USH2A: variants seen among roughly 807,000 people sequenced by gnomAD.
USH2A encodes the protein Usher syndrome 2A (autosomal recessive, mild).
In USH2A, 443 loss-of-function variants were observed where a neutral mutation model predicts 538.9. The observed-to-expected ratio is 0.82, with a 90% CI of 0.76 to 0.89. USH2A has a LOEUF of 0.89. Ranked by LOEUF, USH2A falls within the 40% of genes least tolerant of loss-of-function variation. The pLI is 0.00. For synonymous variants in USH2A, 2,413 were observed against 2,273.5 expected (o/e 1.06, Z -1.75); for missense variants, 6,633 against 6,324.8 (o/e 1.05, Z -1.65).
At chr1:216,141,135 G>T (rs2033594199) in intron 21 of USH2A, among the ~76,000 whole-genome samples, 3 of 152,306 alleles carry the variant, frequency 2.0e-5, no homozygotes, top group Admixed American at 6.5e-5. Flanking sequence ...GTTATTTGGT[G>T]TGCGGAAAAA....
intron 61 of USH2A, among the ~76,000 whole-genome samples, chr1:215,718,167 A>AT (rs928100267): frequency 2.0e-5 from 3 of 152,204 alleles, no homozygotes; most frequent in Admixed American, 6.5e-5. Context: ...TTATATTGAG[A>AT]TAAAAAGATT....
intron 9 of USH2A, among the ~76,000 whole-genome samples, chr1:216,312,054 C>G (rs1352697908): frequency 1.3e-5 from 2 of 152,074 alleles, no homozygotes; most frequent in Non-Finnish European, 1.5e-5. Flanking sequence ...TTCTCTCTCT[C>G]TGAAGTTCTT....
chr1:215,880,755 CCT>C (rs1404278848), intron 41 of USH2A, among the ~76,000 whole-genome samples: 1 of 152,174 alleles, frequency 6.6e-6, no homozygotes. Flanking sequence ...GGCTTTCTTG[CCT>C]CTTAGACCAG....
intron 24 of USH2A, chr1:216,085,113 A>ATATGATGGGTTTG: frequency 2.0e-6 from 1 of 492,114 alleles, no homozygotes; most frequent in Non-Finnish European, 3.6e-6. Context: ...GTTTATGCAG[A>ATATGATGGGTTTG]AACCTTGGTT....
At position 215,732,551 on chromosome 1, in the gene USH2A, T is replaced by C. The variant is rs1456214423; in HGVS notation, c.11712-4167A>G. Reference sequence around the variant, plus strand: ...TATTCTCCTTTTTTCTTTCTTTTTTTTTTTTTTTTTTTTTTTTTTTTGCTC... The same window carrying C: ...TATTCTCCTTTTTTCTTTCTTTTTTCTTTTTTTTTTTTTTTTTTTTTGCTC... On this transcript the variant is annotated intron_variant, in intron 60 of 71. Transcript: ENST00000307340. 1.2e-4 allele frequency among the ~76,000 whole-genome samples: 14 copies of C among 117,430 alleles called. No homozygotes were observed. In the East Asian group the frequency reaches 2.1e-3, roughly 18 times the overall value. The allele number at this position is 117,430 out of a possible 152,430, so 77.0% of individuals were successfully genotyped here.
intron 11 of USH2A, among the ~76,000 whole-genome samples, chr1:216,260,302 T>C (rs904347522): frequency 1.3e-5 from 2 of 152,286 alleles, no homozygotes; most frequent in African/African-American, 2.4e-5. Context: ...GCTAGCTGAA[T>C]TGGATTCCTA....
intron 4 of USH2A, among the ~76,000 whole-genome samples, chr1:216,348,628 T>C (rs1380524621): frequency 6.6e-6 from 1 of 152,136 alleles, no homozygotes; most frequent in Non-Finnish European, 1.5e-5. Flanking sequence ...TAGCATTTTA[T>C]ACAAGTAATC....
At chr1:215,819,391 A>G (rs1201962302) in intron 47 of USH2A, among the ~76,000 whole-genome samples, 1 of 135,294 alleles carries the variant, frequency 7.4e-6, no homozygotes, top group Non-Finnish European at 1.6e-5. Flanking sequence ...AAACCTCAAC[A>G]TTTTCATAGA....
At chr1:216,217,103 T>C (rs2035357395) in intron 15 of USH2A, among the ~76,000 whole-genome samples, 2 of 152,126 alleles carry the variant, frequency 1.3e-5, no homozygotes, top group Admixed American at 1.3e-4. Context: ...GGAAGACCCT[T>C]GGTCTGGGAA....
intron 58 of USH2A, among the ~76,000 whole-genome samples, chr1:215,750,825 T>A (rs1660603262): frequency 6.6e-6 from 1 of 152,068 alleles, no homozygotes; most frequent in Admixed American, 6.6e-5. Context: ...ATTAGTAAAA[T>A]GAGCAAAACA....
intron 58 of USH2A, among the ~76,000 whole-genome samples, chr1:215,744,417 T>G (rs745990120): frequency 5.9e-5 from 9 of 152,218 alleles, no homozygotes; most frequent in Non-Finnish European, 1.3e-4. Flanking sequence ...GGCATACTTT[T>G]TCAAGGAGAG....
intron 51 of USH2A, 135 bp from the exon 52 acceptor site, chr1:215,787,009 T>C: frequency 1.2e-6 from 1 of 819,694 alleles, no homozygotes; most frequent in South Asian, 1.6e-5. Flanking sequence ...TCAAAATTTA[T>C]AAAAAGAAAT....
chr1:216,172,334 A>G (rs1013690345), intron 21 of USH2A, among the ~76,000 whole-genome samples: 3 of 152,104 alleles, frequency 2.0e-5, no homozygotes, highest in African/African-American at 4.8e-5. Context: ...CATATATAAA[A>G]TATGTATAAT....
rs6690862 is a variant in USH2A at position 215,858,097 on chromosome 1, G to T, written c.8845+8910C>A. Among the ~76,000 whole-genome samples, 819 of 152,208 alleles carry T rather than the reference G, an allele frequency of 5.4e-3. 6 individuals carry two copies. Among genetic ancestry groups the T allele is most frequent in the African/African-American group, 0.018 (758 of 41,524 alleles). ...GTTATACAATATGGAGTTAAGGCTT[G>T]TACTTGCTTGTATTTGATGCAATAG... On this transcript the variant is annotated intron_variant, in intron 44 of 71. Coordinates refer to ENST00000307340, the MANE Select transcript of USH2A (RefSeq NM_206933.4).
Position 215,999,020 on chromosome 1 carries a change from C to A in USH2A, c.6524G>T (p.Arg2175Leu). 6.2e-7 allele frequency: 1 copy of A among 1,612,296 alleles called. No individual in the cohort carries two copies. The highest frequency in any genetic ancestry group is 8.5e-7 in the Non-Finnish European group (1 of 1,178,780). ...ATGGTTTGACATATATAATACATAG[C>A]GTTCCAGAATCCCACTTATTTTTCT... ...QPRKISGILE[R>L]YVLYMSNHTH... The change falls in exon 34 of 72, where the codon CGC (arginine) becomes CTC (leucine). Residue 2175 changes from arginine (R) to leucine (L), a missense_variant. Physicochemically the swap from Arg to Leu is moderately radical, Grantham distance 102. Transcript: ENST00000307340.
chr1:215,880,641 AATGAGT>A (rs1664880705), intron 41 of USH2A, among the ~76,000 whole-genome samples: 5 of 152,196 alleles, frequency 3.3e-5, no homozygotes, highest in Non-Finnish European at 5.9e-5. Flanking sequence ...GGACCCGGAA[AATGAGT>A]CAAGGTCAAA....
At chr1:215,848,933 A>G (rs188175015) in intron 44 of USH2A, among the ~76,000 whole-genome samples, 18 of 152,330 alleles carry the variant, frequency 1.2e-4, no homozygotes, top group Admixed American at 8.5e-4. Context: ...GAACCATCTA[A>G]GAAACAGAAG....
chr1:215,676,702 C>T (rs1392720026), intron 62 of USH2A, among the ~76,000 whole-genome samples: 5 of 152,158 alleles, frequency 3.3e-5, no homozygotes, highest in Admixed American at 6.5e-5. Flanking sequence ...CAGGGCAAGA[C>T]CACCCCCATG....
intron 21 of USH2A, among the ~76,000 whole-genome samples, chr1:216,130,434 T>G (rs1017744116): frequency 6.6e-6 from 1 of 151,166 alleles, no homozygotes; most frequent in East Asian, 1.9e-4. Flanking sequence ...CCTGAGTTGC[T>G]TCACTTAGGA....
Sources: allele counts gnomAD v4.1 joint callset (sites outside exome capture counted in the v4.1 genomes callset), GRCh38; gene constraint gnomAD v4.1.1; transcripts MANE v1.5; gene names NCBI Gene and HGNC (gene_info 2026-07-23, HGNC 2026-07-21).